CALN1: variants seen among roughly 807,000 people sequenced by gnomAD.
The protein encoded by CALN1 is calcium-binding protein 8.
A neutral mutation model predicts 30.6 loss-of-function variants in CALN1; 17 were observed. The observed-to-expected ratio is 0.56, with a 90% CI of 0.38 to 0.83. CALN1 has a LOEUF of 0.83. Among genes scored for constraint, CALN1 ranks in the 40% least tolerant of loss-of-function variants. The probability of loss-of-function intolerance (pLI) is 0.00; values close to 1 mark genes in which losing one functional copy is unlikely to be tolerated. For synonymous variants in CALN1, 156 were observed against 131.4 expected, an observed-to-expected ratio of 1.19 and a Z score of -1.28; for missense variants, 291 against 354.9, an observed-to-expected ratio of 0.82 and a Z score of 1.45.
chr7:72,099,432 C>T (rs1443947702), intron 4 of CALN1, among the ~76,000 whole-genome samples: 11 of 151,588 alleles, frequency 7.3e-5, no homozygotes, highest in East Asian at 5.8e-4. Context: ...GTTACAGAAG[C>T]GAGGAAGGAA....
rs76801784 is a variant in CALN1, at chr7:72,310,921, A to C, written c.120-32111T>G. Among the ~76,000 whole-genome samples, 22 of 151,256 alleles carry C rather than the reference A, an allele frequency of 1.5e-4. No individual in the cohort carries two copies. The East Asian group carries it at 1.9e-3, about 13-fold the overall frequency. ...AGACTCCGTCTTAAAAAAAAAAAAA[A>C]AAAAAAACAAAAATAAAGAAGAAGA... On this transcript the variant is annotated intron_variant, in intron 2 of 6. Coordinates refer to ENST00000395275, the MANE Select transcript of CALN1 (RefSeq NM_031468.4).
At chr7:72,005,047 G>A (rs1475152188) in intron 5 of CALN1, among the ~76,000 whole-genome samples, 2 of 152,312 alleles carry the variant, frequency 1.3e-5, no homozygotes, top group East Asian at 3.9e-4. Flanking sequence ...TGGTGAGAAT[G>A]TAAAATGCTA....
chr7:72,359,765 G>A (rs1803450415), intron 2 of CALN1, among the ~76,000 whole-genome samples: 1 of 151,910 alleles, frequency 6.6e-6, no homozygotes, highest in South Asian at 2.1e-4. Context: ...CACAAGGTCA[G>A]GAGTTCAAGA....
chr7:72,247,666 G>A (rs2677277), intron 3 of CALN1, among the ~76,000 whole-genome samples: 105,123 of 152,038 alleles, frequency 0.69, 36,902 homozygotes, highest in East Asian at 1. Flanking sequence ...TGGTTGCTGC[G>A]ACCAGTGATC....
chr7:72,303,688 AATTT>A (rs1799454016), intron 2 of CALN1, among the ~76,000 whole-genome samples: 2 of 152,124 alleles, frequency 1.3e-5, no homozygotes, highest in Non-Finnish European at 1.5e-5. Context: ...TCTCTTTTCC[AATTT>A]ATTTATCCTT....
intron 2 of CALN1, among the ~76,000 whole-genome samples, chr7:72,334,509 C>G (rs1399115858): frequency 6.6e-6 from 1 of 152,162 alleles, no homozygotes; most frequent in Admixed American, 6.5e-5. Flanking sequence ...TTGTCATCCA[C>G]CCCTCAACCT....
At chr7:72,178,932 G>A (rs1391985206) in intron 3 of CALN1, among the ~76,000 whole-genome samples, 4 of 152,076 alleles carry the variant, frequency 2.6e-5, no homozygotes, top group Non-Finnish European at 4.4e-5. Flanking sequence ...CAATATTTGT[G>A]GTCTTTAGGC....
At chr7:72,382,629 A>C (rs1158888012) in intron 2 of CALN1, among the ~76,000 whole-genome samples, 1 of 152,138 alleles carries the variant, frequency 6.6e-6, no homozygotes, top group Non-Finnish European at 1.5e-5. Flanking sequence ...TTTCTCCTCT[A>C]GTAGTCCTCA....
intron 5 of CALN1, among the ~76,000 whole-genome samples, chr7:71,817,458 C>T (rs554275518): frequency 5.5e-4 from 84 of 152,188 alleles, no homozygotes; most frequent in Non-Finnish European, 7.9e-4. Flanking sequence ...GAATTTTCCA[C>T]TATAGTAGAA....
intron 4 of CALN1, 100 bp from the exon 5 acceptor site, chr7:72,023,869 C>A (rs1462720205): frequency 2.7e-6 from 2 of 728,986 alleles, no homozygotes; most frequent in Non-Finnish European, 4.6e-6. Flanking sequence ...TTGGCATGAC[C>A]TCAATCAATG....
chr7:71,836,166 C>G (rs892289634), intron 5 of CALN1, among the ~76,000 whole-genome samples: 2 of 152,214 alleles, frequency 1.3e-5, no homozygotes, highest in Admixed American at 6.5e-5. Context: ...TGAGCCCAGC[C>G]TGGATCAACC....
chr7:72,202,812 T>C (rs1791534563), intron 3 of CALN1, among the ~76,000 whole-genome samples: 1 of 152,136 alleles, frequency 6.6e-6, no homozygotes, highest in Non-Finnish European at 1.5e-5. Flanking sequence ...TCCTCAAGGA[T>C]CTAGAACCAG....
intron 5 of CALN1, among the ~76,000 whole-genome samples, chr7:71,984,654 G>C (rs1207410475): frequency 1.3e-5 from 2 of 152,148 alleles, no homozygotes. Flanking sequence ...ACCCATGGCA[G>C]GGGCTGGTAC....
chr7:72,397,075 T>TA (rs1284179742), intron 2 of CALN1, among the ~76,000 whole-genome samples: 3 of 152,082 alleles, frequency 2.0e-5, no homozygotes, highest in African/African-American at 7.2e-5. Context: ...CGTGCCTGGT[T>TA]AATTTTTTTT....
chr7:72,254,165 C>T (rs1045566481), intron 3 of CALN1, among the ~76,000 whole-genome samples: 1 of 152,166 alleles, frequency 6.6e-6, no homozygotes. Flanking sequence ...TACACAGGAA[C>T]CTTTCTCGGT....
chr7:72,249,021 T>C (rs1375501776), intron 3 of CALN1, among the ~76,000 whole-genome samples: 1 of 152,136 alleles, frequency 6.6e-6, no homozygotes, highest in Non-Finnish European at 1.5e-5. Flanking sequence ...ATTTAAAAAA[T>C]CACATAAGCA....
chr7:71,852,966 C>T (rs989135084), intron 5 of CALN1, among the ~76,000 whole-genome samples: 13 of 152,262 alleles, frequency 8.5e-5, no homozygotes, highest in South Asian at 4.1e-4. Flanking sequence ...ATTCTGCTTA[C>T]GACTCTTTTC....
rs145626464 is a variant in CALN1, at chr7:72,395,304, T to C, written c.119+7947A>G. On this transcript the variant is annotated intron_variant, in intron 2 of 6. Transcript: ENST00000395275. ...CCCGGGAGAGAAAATAAACACTTAA[T>C]AGGTGGTTTCCAGGCTTTAGCAAAC... 2.6e-5 allele frequency among the ~76,000 whole-genome samples: 4 copies of C among 152,126 alleles called. No homozygotes were observed. The East Asian group carries it at 5.8e-4, about 22-fold the overall frequency.
chr7:71,799,007 C>T (rs1787139874), intron 6 of CALN1, among the ~76,000 whole-genome samples: 1 of 152,108 alleles, frequency 6.6e-6, no homozygotes, highest in Non-Finnish European at 1.5e-5. Flanking sequence ...GCAAGGCTCC[C>T]ACCCCCTGCA....
Sources: gnomAD v4.1 joint callset for allele counts (sites outside exome capture counted in the v4.1 genomes callset) on GRCh38, gnomAD v4.1.1 for gene constraint, MANE v1.5 for transcripts, NCBI Gene and HGNC (gene_info 2026-07-23, HGNC 2026-07-21) for gene names.